Variants in NUDC observed in about 807,000 individuals in gnomAD.
The protein encoded by NUDC is nuclear distribution C, dynein complex regulator.
In NUDC, 14 loss-of-function variants were observed where a neutral mutation model predicts 45.0. That is an observed-to-expected ratio of 0.31 (90% CI 0.21 to 0.49). NUDC has a LOEUF of 0.49. NUDC is among the 20% of genes least tolerant of loss of function. The probability of loss-of-function intolerance (pLI) is 0.99; values close to 1 mark genes in which losing one functional copy is unlikely to be tolerated. For synonymous variants in NUDC, 153 were observed against 156.7 expected (o/e 0.98, Z 0.17); for missense variants, 323 against 426.2 (o/e 0.76, Z 2.13).
At chr1:26,900,613 G>A (rs933992943) in intron 1 of NUDC, 11 of 626,298 alleles carry the variant, frequency 1.8e-5, no homozygotes, top group Non-Finnish European at 3.0e-5. Context: ...CCCACAGAGG[G>A]AAGCCGGCGA....
chr1:26,908,534 A>T (rs2082012016), intron 2 of NUDC, among the ~76,000 whole-genome samples: 1 of 152,132 alleles, frequency 6.6e-6, no homozygotes, highest in Admixed American at 6.6e-5. Flanking sequence ...AAATTTGAAA[A>T]GGATCAAGGT....
chr1:26,935,627 ATG>A (rs766652281), intron 2 of NUDC, among the ~76,000 whole-genome samples: 102 of 145,944 alleles, frequency 7.0e-4, no homozygotes, highest in Non-Finnish European at 1.1e-3. Context: ...TTCCCATGAC[ATG>A]TGGGGATTAT....
At chr1:26,915,218 CAGGA>C (rs2082056405) in intron 3 of NUDC, among the ~76,000 whole-genome samples, 1 of 152,032 alleles carries the variant, frequency 6.6e-6, no homozygotes, top group South Asian at 2.1e-4. Flanking sequence ...GTCATCCCAC[CAGGA>C]AGACAAAGCC....
intron 2 of NUDC, among the ~76,000 whole-genome samples, chr1:26,936,317 G>A (rs1458658080): frequency 2.0e-5 from 3 of 148,950 alleles, no homozygotes; most frequent in Non-Finnish European, 4.5e-5. Flanking sequence ...AGCTTCCCAA[G>A]TAGCTGGGAT....
At chr1:26,904,695 C>G (rs2081994940) in intron 2 of NUDC, among the ~76,000 whole-genome samples, 2 of 152,126 alleles carry the variant, frequency 1.3e-5, no homozygotes, top group Admixed American at 6.6e-5. Flanking sequence ...AACTGTGTAA[C>G]CTCGAGCACT....
At chr1:26,938,429 G>C (rs781510641) in intron 2 of NUDC, among the ~76,000 whole-genome samples, 3 of 152,228 alleles carry the variant, frequency 2.0e-5, no homozygotes, top group Admixed American at 6.5e-5. Context: ...AGGTCTCTCT[G>C]ATTAGGGACT....
intron 2 of NUDC, among the ~76,000 whole-genome samples, chr1:26,940,890 G>A (rs1485355099): frequency 6.6e-6 from 1 of 151,752 alleles, no homozygotes; most frequent in Non-Finnish European, 1.5e-5. Flanking sequence ...GTTTCACCAT[G>A]TTGGCCAGAT....
chr1:26,921,813 G>A lies in NUDC; in HGVS notation c.-36G>A, dbSNP rs749743705. ...GGAGCGTAGAGAGCGCGGGACTAGAGTGCAGAGCTCCGGGACGTGGATCGG... is the reference window on the plus strand; with the variant it reads ...GGAGCGTAGAGAGCGCGGGACTAGAATGCAGAGCTCCGGGACGTGGATCGG... On this transcript the variant is annotated 5_prime_UTR_variant, in exon 1 of 9. In the 5' UTR this introduces an upstream ATG that the reference lacks. Coordinates refer to ENST00000321265, the MANE Select transcript of NUDC (RefSeq NM_006600.4). 5 of 1,546,760 alleles carry A rather than the reference G, an allele frequency of 3.2e-6. No homozygotes were observed. The African/African-American group carries it at 5.5e-5, about 17-fold the overall frequency.
intron 3 of NUDC, chr1:26,912,201 C>T (rs2082032289): frequency 1.6e-6 from 2 of 1,231,038 alleles, no homozygotes; most frequent in Admixed American, 2.3e-5. Flanking sequence ...CTTTGCTCGG[C>T]CTTTGAGGTC....
chr1:26,907,808 C>G (rs7512784), intron 2 of NUDC, among the ~76,000 whole-genome samples: 1 of 152,168 alleles, frequency 6.6e-6, no homozygotes, highest in Non-Finnish European at 1.5e-5. Flanking sequence ...GGTTCCAGAC[C>G]GCTTGATCCT....
chr1:26,934,329 G>A (rs755433053), intron 2 of NUDC, among the ~76,000 whole-genome samples: 11 of 152,140 alleles, frequency 7.2e-5, no homozygotes, highest in Non-Finnish European at 1.6e-4. Flanking sequence ...GAACTCACTC[G>A]TATCATGAGA....
At chr1:26,925,586 G>A (rs1386548757) in intron 2 of NUDC, among the ~76,000 whole-genome samples, 1 of 151,386 alleles carries the variant, frequency 6.6e-6, no homozygotes, top group Non-Finnish European at 1.5e-5. Flanking sequence ...ATACTCAGAG[G>A]CATGTCTTCC....
chr1:26,900,369 C>G (rs149540976), exon 1 of NUDC: 10 of 1,614,018 alleles, frequency 6.2e-6, no homozygotes, highest in Non-Finnish European at 8.5e-6. Flanking sequence ...ATGGGCCGAG[C>G]GCAACACGGA....
At chr1:26,938,566 T>C (rs570254244) in intron 2 of NUDC, among the ~76,000 whole-genome samples, 2 of 152,312 alleles carry the variant, frequency 1.3e-5, no homozygotes, top group African/African-American at 2.4e-5. Flanking sequence ...TGGTGTTCTT[T>C]AACCTTGTAG....
At chr1:26,931,595 G>A (rs1293307034) in intron 2 of NUDC, among the ~76,000 whole-genome samples, 35 of 149,734 alleles carry the variant, frequency 2.3e-4, no homozygotes, top group African/African-American at 4.9e-4. Context: ...CCTGGCCAAC[G>A]CGGTGAAACC....
At chr1:26,927,778 A>G (rs1473840377) in intron 2 of NUDC, among the ~76,000 whole-genome samples, 4 of 152,086 alleles carry the variant, frequency 2.6e-5, no homozygotes, top group East Asian at 3.8e-4. Context: ...AAAGACCACA[A>G]TCCACTTCAG....
chr1:26,909,218 G>A (rs373880598), intron 2 of NUDC, among the ~76,000 whole-genome samples: 2 of 152,102 alleles, frequency 1.3e-5, no homozygotes, highest in Non-Finnish European at 2.9e-5. Flanking sequence ...CAGGTGATCC[G>A]CCTGGCTTGG....
chr1:26,936,996 G>C (rs1011470485), intron 2 of NUDC, among the ~76,000 whole-genome samples: 2 of 152,222 alleles, frequency 1.3e-5, no homozygotes, highest in East Asian at 3.9e-4. Flanking sequence ...AAATTGCCTC[G>C]TGTACTTCTG....
chr1:26,945,812 G>A, intron 8 of NUDC, 126 bp downstream of exon 8: 1 of 822,032 alleles, frequency 1.2e-6, no homozygotes, highest in Non-Finnish European at 2.1e-6. Context: ...CCATGTTTAT[G>A]GCTTTATGGC....
Sources: gnomAD v4.1 joint callset for allele counts (sites outside exome capture counted in the v4.1 genomes callset) on GRCh38, gnomAD v4.1.1 for gene constraint, MANE v1.5 for transcripts, NCBI Gene and HGNC (gene_info 2026-07-23, HGNC 2026-07-21) for gene names.